TYW1: variants seen among roughly 807,000 people sequenced by gnomAD.
The protein encoded by TYW1 is tRNA-yW synthesizing protein 1 homolog.
A neutral mutation model predicts 96.2 loss-of-function variants in TYW1; 46 were observed. The ratio of observed to expected loss-of-function variants is 0.48; its 90% confidence interval spans 0.38 to 0.61. TYW1 has a LOEUF of 0.61. TYW1 is among the 20% of genes least tolerant of loss of function. TYW1 has a pLI of 0.00. For missense variants in TYW1, 684 were observed against 909.6 expected, an observed-to-expected ratio of 0.75 and a Z score of 3.19; for synonymous variants, 274 against 323.0, an observed-to-expected ratio of 0.85 and a Z score of 1.63.
intron 13 of TYW1, among the ~76,000 whole-genome samples, chr7:67,170,261 G>A (rs34654147): frequency 0.28 from 42,749 of 151,950 alleles, 6,532 homozygotes; most frequent in African/African-American, 0.4. Flanking sequence ...TTTTATTTGT[G>A]GACTGTCCAG....
At chr7:67,096,364 G>T (rs530650075) in intron 11 of TYW1, among the ~76,000 whole-genome samples, 2 of 152,296 alleles carry the variant, frequency 1.3e-5, no homozygotes, top group Non-Finnish European at 2.9e-5. Flanking sequence ...TCCAGCCTGG[G>T]TGATGGAGCG....
chr7:67,095,146 G>T (rs758543820), intron 11 of TYW1, among the ~76,000 whole-genome samples: 1 of 151,884 alleles, frequency 6.6e-6, no homozygotes, highest in South Asian at 2.1e-4. Flanking sequence ...CTACAAGCAT[G>T]CACCACCACG....
chr7:67,192,714 A>C (rs11761577), intron 14 of TYW1, among the ~76,000 whole-genome samples: 1 of 151,912 alleles, frequency 6.6e-6, no homozygotes, highest in Non-Finnish European at 1.5e-5. Context: ...GGGGCTCACT[A>C]CCTGATGCTC....
intron 7 of TYW1, among the ~76,000 whole-genome samples, chr7:67,049,197 G>A (rs1795282949): frequency 6.6e-6 from 1 of 152,166 alleles, no homozygotes; most frequent in African/African-American, 2.4e-5. Flanking sequence ...ATCAGGGGTT[G>A]TGCTGTGATT....
chr7:67,045,904 T>C (rs762646848), intron 7 of TYW1, among the ~76,000 whole-genome samples: 30 of 152,164 alleles, frequency 2.0e-4, no homozygotes, highest in Non-Finnish European at 4.0e-4. Context: ...AATGAAACCC[T>C]AGAACTGTTT....
In TYW1 at chr7:66,998,892, G is replaced by A; in HGVS notation, c.211G>A (p.Glu71Lys). 3 of 1,614,122 alleles carry A rather than the reference G, an allele frequency of 1.9e-6. No homozygotes were observed. Among genetic ancestry groups the A allele is most frequent in the Non-Finnish European group, 2.5e-6 (3 of 1,179,992 alleles). ...LMTNGYVSLQ[E>K]KDIFVSGVKI... ...GACAAATGGTTATGTCTCCCTTCAA[G>A]AGAAAGACATCTTTGTGTCTGGAGT... Residue 71 changes from glutamate (E) to lysine (K), a missense_variant, in exon 3 of 16, where the codon GAG becomes AAG. Physicochemically the swap from Glu to Lys is moderately conservative, Grantham distance 56. Coordinates refer to ENST00000359626, the MANE Select transcript of TYW1 (RefSeq NM_018264.4).
chr7:67,038,013 T>G (rs1794894035), intron 7 of TYW1, among the ~76,000 whole-genome samples: 1 of 152,068 alleles, frequency 6.6e-6, no homozygotes, highest in Admixed American at 6.6e-5. Context: ...TCAAAGGAAA[T>G]GCTCGGGCCG....
chr7:67,061,890 A>T (rs1795707389), intron 9 of TYW1, among the ~76,000 whole-genome samples: 1 of 152,192 alleles, frequency 6.6e-6, no homozygotes, highest in Admixed American at 6.5e-5. Context: ...TAAGTAAAGA[A>T]CCAAAAATGA....
rs539889559 is a variant in TYW1, at chr7:67,184,057, G to A, written c.1809+821G>A. On this transcript the variant is annotated intron_variant, in intron 14 of 15. Coordinates refer to ENST00000359626, the MANE Select transcript of TYW1 (RefSeq NM_018264.4). ...TGGTCTCAAACTCCTGGCCTCAAGC[G>A]ACCTTCCTACCTCGGCCTCTCAAAG... 1.6e-3 allele frequency among the ~76,000 whole-genome samples: 243 copies of A among 152,232 alleles called. 2 individuals are homozygous for A. Among genetic ancestry groups the A allele is most frequent in the African/African-American group, 5.7e-3 (238 of 41,528 alleles).
intron 3 of TYW1, among the ~76,000 whole-genome samples, chr7:67,008,893 C>T (rs13308008): frequency 6.6e-6 from 1 of 152,108 alleles, no homozygotes; most frequent in Admixed American, 6.6e-5. Flanking sequence ...CATTCCTGAC[C>T]TCAAGTGATC....
chr7:67,083,469 G>A lies in TYW1; in HGVS notation c.1314G>A (p.Lys438=), dbSNP rs375001767. 1 of 1,614,190 alleles carries A rather than the reference G, an allele frequency of 6.2e-7. No homozygotes were observed. Residue 438 remains lysine (K), a synonymous_variant, in exon 11 of 16, where the codon AAG becomes AAA. Coordinates refer to ENST00000359626, the MANE Select transcript of TYW1 (RefSeq NM_018264.4). The part of the protein sequence containing the change: ...TNPVGTEWRW[K]MDQPEMILKE... ...CCGTGGGCACTGAGTGGCGGTGGAA[G>A]ATGGACCAGCCTGAAATGATCTTGA...
chr7:67,053,081 CTTT>C (rs35579526), intron 8 of TYW1, among the ~76,000 whole-genome samples: 43,350 of 129,112 alleles, frequency 0.34, 6,575 homozygotes, highest in South Asian at 0.38. Flanking sequence ...CAGTTTTAAG[CTTT>C]TTTTTTTTTT....
At chr7:67,014,344 G>A in intron 4 of TYW1, 23 bp from the exon 5 acceptor site, 1 of 1,571,626 alleles carries the variant, frequency 6.4e-7, no homozygotes. Context: ...ATGTTCCACT[G>A]AAACAATTAC....
chr7:67,131,968 A>C (rs1798088226), intron 13 of TYW1, among the ~76,000 whole-genome samples: 1 of 152,210 alleles, frequency 6.6e-6, no homozygotes, highest in Non-Finnish European at 1.5e-5. Context: ...CTGCACTGGC[A>C]GCTGATTAGA....
chr7:67,016,512 A>C (rs188507910), intron 5 of TYW1, among the ~76,000 whole-genome samples: 4 of 152,120 alleles, frequency 2.6e-5, no homozygotes, highest in Non-Finnish European at 4.4e-5. Flanking sequence ...GTGCCATTGC[A>C]CTCCAGCCTT....
chr7:67,175,760 T>C lies in TYW1; in HGVS notation c.1699-7366T>C, dbSNP rs183871852. 7.0e-3 allele frequency among the ~76,000 whole-genome samples: 1,067 copies of C among 152,320 alleles called. 8 individuals carry two copies. The highest frequency in any genetic ancestry group is 0.024 in the African/African-American group (1,003 of 41,572). On this transcript the variant is annotated intron_variant, in intron 13 of 15. Transcript: ENST00000359626. ...TTTATGATTAAAATCTTGTAGCCAA[T>C]TAGGATTAGAAGGAAACTTCCTAAT...
At chr7:67,083,008 G>C (rs1475214803) in intron 10 of TYW1, among the ~76,000 whole-genome samples, 1 of 152,084 alleles carries the variant, frequency 6.6e-6, no homozygotes, top group Non-Finnish European at 1.5e-5. Flanking sequence ...CCTGCATCAG[G>C]AGAAACTCAT....
chr7:67,117,464 T>C lies in TYW1; in HGVS notation c.1563-19T>C. 1 of 1,582,102 alleles carries C rather than the reference T, an allele frequency of 6.3e-7. No homozygotes were observed. Among genetic ancestry groups the C allele is most frequent in the African/African-American group, 1.4e-5 (1 of 72,536 alleles). Reference sequence around the variant, plus strand: ...GAGGAATAATTTTTCTTTCTTCTTTTAAAAAAAATATTACTAAGGAACCTC... The same window carrying C: ...GAGGAATAATTTTTCTTTCTTCTTTCAAAAAAAATATTACTAAGGAACCTC... On this transcript the variant is annotated intron_variant, in intron 12 of 15. Transcript: ENST00000359626.
At chr7:67,085,283 C>G (rs1456138829) in intron 11 of TYW1, among the ~76,000 whole-genome samples, 1 of 152,188 alleles carries the variant, frequency 6.6e-6, no homozygotes, top group Admixed American at 6.5e-5. Flanking sequence ...CCCATAATCC[C>G]TATGCGTTGA....
Sources: allele counts gnomAD v4.1 joint callset (sites outside exome capture counted in the v4.1 genomes callset), GRCh38; gene constraint gnomAD v4.1.1; transcripts MANE v1.5; gene names NCBI Gene and HGNC (gene_info 2026-07-23, HGNC 2026-07-21).